Variants in ADAMTS1 observed in about 807,000 individuals in gnomAD.
ADAMTS1 encodes A disintegrin and metalloproteinase with thrombospondin motifs 1.
Under a neutral mutation model 87.9 loss-of-function variants are expected in ADAMTS1, and 19 were observed. The observed-to-expected ratio is 0.22, with a 90% CI of 0.15 to 0.32. ADAMTS1 has a LOEUF of 0.32. ADAMTS1 is among the 10% of genes least tolerant of loss of function. The pLI is 1.00. For missense variants in ADAMTS1, 1,240 were observed against 1,259.1 expected, an observed-to-expected ratio of 0.98 and a Z score of 0.23; for synonymous variants, 542 against 501.8, an observed-to-expected ratio of 1.08 and a Z score of -1.07.
chr21:26,845,212 G>T lies in ADAMTS1; in HGVS notation c.-258C>A. 2.4e-6 allele frequency: 1 copy of T among 410,938 alleles called. No individual in the cohort carries two copies. The highest frequency in any genetic ancestry group is 4.2e-6 in the Non-Finnish European group (1 of 240,038). The allele number at this position is 410,938 out of a possible 1,614,324, so 25.5% of individuals were successfully genotyped here. A position where few individuals can be genotyped will look rare whatever the true frequency, so the allele number is the denominator to read the frequency against. ...ACACTGAGAGGCAGGCGCAGGCAGA[G>T]TGGCTCTGCTGGGACAAGAAGCGCT... On this transcript the variant is annotated 5_prime_UTR_variant, in exon 1 of 9. Transcript: ENST00000284984.
chr21:26,838,280 T>A lies in ADAMTS1; in HGVS notation c.2205-2A>T, dbSNP rs1444223256. On this transcript the variant is annotated splice_acceptor_variant, in intron 8 of 8. Coordinates refer to ENST00000284984, the MANE Select transcript of ADAMTS1 (RefSeq NM_006988.5). LOFTEE classifies it high-confidence loss of function. ...GTGATGATATCATGATATCCAGGTC[T>A]GCAGGTGACAAAAACAGGCATAAAT... The A allele has an allele frequency of 6.3e-7, 1 of 1,597,954 alleles. No homozygotes were observed. The highest frequency in any genetic ancestry group is 2.2e-5 in the East Asian group (1 of 44,650).
rs922070657 is a variant in ADAMTS1 at position 26,840,689 on chromosome 21, G to C, written c.1379-127C>G. On this transcript the variant is annotated intron_variant, in intron 4 of 8. Transcript: ENST00000284984. ...AAAGTGATCTGAAAACTGTAAAGCTGGGGGAGGGAAATGCTGAAGAGATTT... is the reference window on the plus strand; with the variant it reads ...AAAGTGATCTGAAAACTGTAAAGCTCGGGGAGGGAAATGCTGAAGAGATTT... The C allele has an allele frequency of 1.3e-5, 14 of 1,098,548 alleles. No individual in the cohort carries two copies. The South Asian group carries it at 2.3e-4, about 18-fold the overall frequency. The allele number at this position is 1,098,548 out of a possible 1,614,324, so 68.1% of individuals were successfully genotyped here.
chr21:26,844,771 C>G lies in ADAMTS1; in HGVS notation c.184G>C (p.Val62Leu). The change falls in exon 1 of 9, where the codon GTG (valine) becomes CTG (leucine). Residue 62 changes from valine (V) to leucine (L), a missense_variant. Transcript: ENST00000284984. ...RPSEEDEELV[V>L]PELERAPGHG... ...CCCGGGGCGCGCTCCAGCTCCGGCA[C>G]CACTAGCTCCTCGTCCTCCTCGGAG... 1 of 1,551,394 alleles carries G rather than the reference C, an allele frequency of 6.4e-7. No individual in the cohort carries two copies. Among genetic ancestry groups the G allele is most frequent in the African/African-American group, 1.4e-5 (1 of 73,818 alleles).
intron 3 of ADAMTS1, 40 bp from the exon 4 acceptor site, chr21:26,841,205 T>C (rs932059656): frequency 1.2e-6 from 2 of 1,603,068 alleles, no homozygotes; most frequent in African/African-American, 2.7e-5. Context: ...GTATGGATCA[T>C]GGCTGGGTGC....
chr21:26,839,618 C>A lies in ADAMTS1; in HGVS notation c.1997G>T (p.Gly666Val). 1 of 1,608,370 alleles carries A rather than the reference C, an allele frequency of 6.2e-7. No individual in the cohort carries two copies. The highest frequency in any genetic ancestry group is 8.5e-7 in the Non-Finnish European group (1 of 1,175,502). ...CTGCAAAACGAAGAAGTAGCCAATG[C>A]CTTTGGCTTGGCAGATGAGCTTGCA... ...DRCKLICQAK[G>V]IGYFFVLQPK... The change falls in exon 7 of 9, where the codon GGC (glycine) becomes GTC (valine). Residue 666 changes from glycine (G) to valine (V), a missense_variant. Physicochemically the swap from Gly to Val is moderately radical, Grantham distance 109 (BLOSUM62 -3). Coordinates refer to ENST00000284984, the MANE Select transcript of ADAMTS1 (RefSeq NM_006988.5).
chr21:26,839,725 G>A lies in ADAMTS1; in HGVS notation c.1890C>T (p.Asn630=), dbSNP rs555251426. 2.3e-5 allele frequency: 37 copies of A among 1,613,214 alleles called. No homozygotes were observed. The highest frequency in any genetic ancestry group is 5.0e-5 in the Admixed American group (3 of 59,990). The change falls in exon 7 of 9, where the codon AAC becomes AAT. Residue 630 remains asparagine (N), a synonymous_variant. Coordinates refer to ENST00000284984, the MANE Select transcript of ADAMTS1 (RefSeq NM_006988.5). ...TFREEQCEAH[N]EFSKASFGSG... is the part of the protein sequence containing the mutation. ...TCCCAAAGGAAGCTTTTGAAAACTC[G>A]TTGTGTGCTTCACATTGTTCCTCTC...
At chr21:26,840,928 A>G (rs1568810932) in intron 4 of ADAMTS1, 70 bp downstream of exon 4, 1 of 1,500,658 alleles carries the variant, frequency 6.7e-7, no homozygotes, top group African/African-American at 1.4e-5. Flanking sequence ...AAAAGGAAAG[A>G]GTTCATTTAA....
At position 26,842,508 on chromosome 21, in the gene ADAMTS1, C is replaced by G. The variant is rs1985516231; in HGVS notation, c.908G>C (p.Ser303Thr). 6.2e-7 allele frequency: 1 copy of G among 1,614,064 alleles called. No individual in the cohort carries two copies. Among genetic ancestry groups the G allele is most frequent in the African/African-American group, 1.3e-5 (1 of 74,916 alleles). The change falls in exon 2 of 9, where the codon AGC (serine) becomes ACC (threonine). Residue 303 changes from serine (S) to threonine (T), a missense_variant. Ser to Thr is a moderately conservative substitution (Grantham distance 58). Around this residue, in one of 3 missense-constraint regions of ADAMTS1, gnomAD observed 521 missense variants for 449.7 expected, o/e 1.16. Transcript: ENST00000284984. ...GACCAAGATCTTCACCACCACCAGG[C>G]TAACTGAATTACGAATGCTGGGGTG... ...YKHPSIRNSVSLVVVKILVIH... is the reference protein window; with the variant it reads ...YKHPSIRNSVTLVVVKILVIH...
Position 26,842,444 on chromosome 21 carries a change from A to G in ADAMTS1, c.972T>C (p.Asn324=). The part of the protein sequence containing the change: ...DEQKGPEVTS[N]AALTLRNFCN... ...AAAAGTTCCGCAGAGTGAGGGCAGC[A>G]TTGGAGGTCACTTCCGGCCCCTTCT... Residue 324 remains asparagine (N), a synonymous_variant, in exon 2 of 9, where the codon AAT becomes AAC. Transcript: ENST00000284984. 6.2e-7 allele frequency: 1 copy of G among 1,614,192 alleles called. No homozygotes were observed. Among genetic ancestry groups the G allele is most frequent in the Non-Finnish European group, 8.5e-7 (1 of 1,180,028 alleles).
chr21:26,841,852 A>G lies in ADAMTS1; in HGVS notation c.1210+6T>C. The G allele has an allele frequency of 6.2e-7, 1 of 1,610,854 alleles. No homozygotes were observed. Among genetic ancestry groups the G allele is most frequent in the Non-Finnish European group, 8.5e-7 (1 of 1,179,208 alleles). On this transcript the variant is annotated splice_donor_region_variant and intron_variant, in intron 3 of 8. Coordinates refer to ENST00000284984, the MANE Select transcript of ADAMTS1 (RefSeq NM_006988.5). ...GAGCTTAACTTCTACTTTGAAGCAG[A>G]CTTACCTAATTCATGGGCTGTGGTG...
In ADAMTS1 at chr21:26,839,615, A is replaced by G. The variant is rs766774030; in HGVS notation, c.2000T>C (p.Ile667Thr). The change falls in exon 7 of 9, where the codon ATT becomes ACT. Residue 667 changes from isoleucine (I) to threonine (T), a missense_variant. Coordinates refer to ENST00000284984, the MANE Select transcript of ADAMTS1 (RefSeq NM_006988.5). ...RCKLICQAKG[I>T]GYFFVLQPKV... Reference sequence around the variant, plus strand: ...GGGCTGCAAAACGAAGAAGTAGCCAATGCCTTTGGCTTGGCAGATGAGCTT... The same window carrying G: ...GGGCTGCAAAACGAAGAAGTAGCCAGTGCCTTTGGCTTGGCAGATGAGCTT... The G allele has an allele frequency of 3.1e-6, 5 of 1,606,770 alleles. No individual in the cohort carries two copies. The highest frequency in any genetic ancestry group is 1.7e-5 in the Admixed American group (1 of 59,688).
Position 26,839,879 on chromosome 21 carries a change from A to G in ADAMTS1, c.1848T>C (p.Asn616=), listed in dbSNP as rs779359387. ...RSCNLEDCPD[N]NGKTFREEQC... ...CCAGAGTCCGTTGCTCCTCACCATT[A>G]TTGTCTGGACAGTCCTCAAGGTTAC... The change falls in exon 6 of 9, where the codon AAT becomes AAC. Residue 616 remains asparagine, a synonymous_variant. Coordinates refer to ENST00000284984, the MANE Select transcript of ADAMTS1 (RefSeq NM_006988.5). The G allele has an allele frequency of 4.3e-6, 7 of 1,613,238 alleles. No homozygotes were observed. The highest frequency in any genetic ancestry group is 1.3e-5 in the African/African-American group (1 of 74,758).
In ADAMTS1 at chr21:26,836,257, A is replaced by G. The variant is rs1013553569; in HGVS notation, c.*1322T>C. On this transcript the variant is annotated 3_prime_UTR_variant, in exon 9 of 9. Coordinates refer to ENST00000284984, the MANE Select transcript of ADAMTS1 (RefSeq NM_006988.5). ...GCCTCAGGTTTCCTTCCTAGGAATG[A>G]ATTCCCACTTCAAAAAACAGACACA... 2 of 152,230 alleles carry G rather than the reference A, an allele frequency of 1.3e-5. No individual in the cohort carries two copies. The highest frequency in any genetic ancestry group is 2.9e-5 in the Non-Finnish European group (2 of 68,012). 9.4% of individuals were successfully genotyped at this position (152,230 alleles called of 1,614,324 possible).
Position 26,844,395 on chromosome 21 carries a change from C to T in ADAMTS1, c.560G>A (p.Arg187Gln), listed in dbSNP as rs1434586542. 4 of 1,595,340 alleles carry T rather than the reference C, an allele frequency of 2.5e-6. No homozygotes were observed. The highest frequency in any genetic ancestry group is 2.3e-5 in the East Asian group (1 of 43,724). ...PPAPLQFHLLRRNRQGDVGGT... is the reference protein window; with the variant it reads ...PPAPLQFHLLQRNRQGDVGGT... ...GCCGACGTCGCCCTGCCGATTCCGC[C>T]GCAGGAGGTGGAACTGTAGTGGTGC... Residue 187 changes from arginine to glutamine, a missense_variant, in exon 1 of 9, where the codon CGG (arginine) becomes CAG (glutamine). By Grantham distance (43) the Arg-to-Gln change is conservative. This residue lies in a region of ADAMTS1 where 521 missense variants were observed against 449.7 expected (regional missense o/e 1.16). Coordinates refer to ENST00000284984, the MANE Select transcript of ADAMTS1 (RefSeq NM_006988.5).
intron 1 of ADAMTS1, among the ~76,000 whole-genome samples, chr21:26,843,276 A>G (rs1985533563): frequency 6.6e-6 from 1 of 152,234 alleles, no homozygotes; most frequent in Non-Finnish European, 1.5e-5. Context: ...CCCCAGCGAA[A>G]TAAGTTCCAG....
Position 26,840,462 on chromosome 21 carries a change from C to G in ADAMTS1, c.1479G>C (p.Gly493=). 1 of 1,614,110 alleles carries G rather than the reference C, an allele frequency of 6.2e-7. No individual in the cohort carries two copies. The highest frequency in any genetic ancestry group is 8.5e-7 in the Non-Finnish European group (1 of 1,179,980). Residue 493 remains glycine, a synonymous_variant, in exon 5 of 9, where the codon GGG becomes GGC. Transcript: ENST00000284984. ...CATCGGGGCAGTGTTTGGAGTCCTCCCCAAATGTAAACTGGCACTGCCGGT... is the reference window on the plus strand; with the variant it reads ...CATCGGGGCAGTGTTTGGAGTCCTCGCCAAATGTAAACTGGCACTGCCGGT... ...DANRQCQFTF[G]EDSKHCPDAA... is the part of the protein sequence containing the mutation.
At chr21:26,842,843 T>C (rs1322307231) in intron 1 of ADAMTS1, 158 bp from the exon 2 acceptor site, 2 of 621,838 alleles carry the variant, frequency 3.2e-6, no homozygotes, top group Non-Finnish European at 5.6e-6. Flanking sequence ...ACTCCAAGTG[T>C]TATTTTTAAA....
chr21:26,840,293 C>T lies in ADAMTS1; in HGVS notation c.1648G>A (p.Asp550Asn), dbSNP rs1204150067. 6 of 1,612,492 alleles carry T rather than the reference C, an allele frequency of 3.7e-6. No homozygotes were observed. The highest frequency in any genetic ancestry group is 5.1e-6 in the Non-Finnish European group (6 of 1,178,800). ...AAACTCACATCAAAATGCTTTCTGT[C>T]GGTTTTGTTCACACACTTGCCGTTG... is the stretch of plus-strand genomic sequence containing the variant. ...CINGKCVNKT[D>N]RKHFDTPFHG... Residue 550 changes from aspartate (D) to asparagine (N), a missense_variant, in exon 5 of 9, where the codon GAC (aspartate) becomes AAC (asparagine). Physicochemically the swap from Asp to Asn is conservative, Grantham distance 23. Around this residue, in one of 3 missense-constraint regions of ADAMTS1, gnomAD observed 317 missense variants for 410.3 expected, o/e 0.77. Coordinates refer to ENST00000284984, the MANE Select transcript of ADAMTS1 (RefSeq NM_006988.5).
chr21:26,838,239 G>A lies in ADAMTS1; in HGVS notation c.2244C>T (p.Ala748=). The change falls in exon 9 of 9, where the codon GCC becomes GCT. Residue 748 remains alanine (A), a synonymous_variant. Transcript: ENST00000284984. ...TCCGCTGTTTCACTTCGATGTTGGT[G>A]GCTCCAGTTGGAATTGTGATGATAT... ...YHDIITIPTG[A]TNIEVKQRNQ... is the part of the protein sequence containing the mutation. The A allele has an allele frequency of 6.2e-7, 1 of 1,612,754 alleles. No individual in the cohort carries two copies. The highest frequency in any genetic ancestry group is 8.5e-7 in the Non-Finnish European group (1 of 1,179,124).
Sources: allele counts gnomAD v4.1 joint callset (sites outside exome capture counted in the v4.1 genomes callset), GRCh38; gene constraint gnomAD v4.1.1; regional missense constraint gnomAD v4.1.1; transcripts MANE v1.5; gene names NCBI Gene and HGNC (gene_info 2026-07-23, HGNC 2026-07-21).